The following DCDC2 variants were observed in gnomAD, a reference collection of about 807,000 sequenced individuals.
The protein encoded by DCDC2 is doublecortin domain containing 2, also known as doublecortin domain-containing protein 2.
In DCDC2, 40 loss-of-function variants were observed where a neutral mutation model predicts 50.2. The ratio of observed to expected loss-of-function variants is 0.80; its 90% confidence interval spans 0.62 to 1.04. The LOEUF is 1.04. Ranked by LOEUF, DCDC2 falls within the 50% of genes least tolerant of loss-of-function variation. The pLI, the probability that DCDC2 is intolerant of heterozygous loss-of-function variation, is 0.00. For missense variants in DCDC2, 570 were observed against 581.9 expected, an observed-to-expected ratio of 0.98 and a Z score of 0.21; for synonymous variants, 234 against 210.6, an observed-to-expected ratio of 1.11 and a Z score of -0.96.
intron 7 of DCDC2, among the ~76,000 whole-genome samples, chr6:24,248,519 G>T (rs1031852391): frequency 6.6e-6 from 1 of 152,188 alleles, no homozygotes; most frequent in South Asian, 2.1e-4. Flanking sequence ...GGTAGTATTA[G>T]TATTAGTATC....
At chr6:24,221,242 G>A (rs571784294) in intron 7 of DCDC2, among the ~76,000 whole-genome samples, 48 of 152,016 alleles carry the variant, frequency 3.2e-4, no homozygotes, top group African/African-American at 1.0e-3. Context: ...TTCTAAGACC[G>A]TCAGAATTTG....
chr6:24,368,688 A>AC, the DCDC2 span, among the ~76,000 whole-genome samples: 1 of 192 alleles, frequency 5.2e-3, no homozygotes, highest in Non-Finnish European at 0.12. Flanking sequence ...GCTCAGACAG[A>AC]AAAAAAAAAA....
intron 6 of DCDC2, among the ~76,000 whole-genome samples, chr6:24,278,849 A>G (rs1238582570): frequency 6.6e-6 from 1 of 152,198 alleles, no homozygotes; most frequent in Non-Finnish European, 1.5e-5. Context: ...AATATTAACG[A>G]GTCTGTTGGT....
the DCDC2 span, among the ~76,000 whole-genome samples, chr6:24,381,959 A>AAGGAAG: frequency 3.5e-3 from 362 of 103,698 alleles, 2 homozygotes; most frequent in African/African-American, 6.9e-3. Flanking sequence ...AAGGAAAGAA[A>AAGGAAG]GAAGGAAGGA....
chr6:24,224,370 CTA>C (rs1395104784), intron 7 of DCDC2, among the ~76,000 whole-genome samples: 1 of 152,208 alleles, frequency 6.6e-6, no homozygotes, highest in Non-Finnish European at 1.5e-5. Flanking sequence ...ACTGGGCACA[CTA>C]TGTGTTCTCA....
At chr6:24,267,506 A>C (rs1213334994) in intron 7 of DCDC2, among the ~76,000 whole-genome samples, 2 of 152,240 alleles carry the variant, frequency 1.3e-5, no homozygotes, top group African/African-American at 4.8e-5. Flanking sequence ...AGTTAAATGT[A>C]AAAGTATGAA....
At chr6:24,208,918 A>G (rs1761789399) in intron 7 of DCDC2, among the ~76,000 whole-genome samples, 1 of 152,248 alleles carries the variant, frequency 6.6e-6, no homozygotes, top group South Asian at 2.1e-4. Flanking sequence ...TGCAAGTATT[A>G]TTTGTAATAC....
intron 7 of DCDC2, among the ~76,000 whole-genome samples, chr6:24,246,117 C>T (rs529127967): frequency 4.6e-5 from 7 of 152,136 alleles, no homozygotes; most frequent in African/African-American, 9.6e-5. Context: ...TAAGCCACCG[C>T]GCCCGGCCTG....
chr6:24,229,571 GA>G (rs1186504484), intron 7 of DCDC2, among the ~76,000 whole-genome samples: 6 of 151,514 alleles, frequency 4.0e-5, no homozygotes, highest in Admixed American at 3.3e-4. Flanking sequence ...AATCTTTCAG[GA>G]AAAAAAATGC....
At chr6:24,236,828 G>A (rs764096793) in intron 7 of DCDC2, among the ~76,000 whole-genome samples, 3 of 152,036 alleles carry the variant, frequency 2.0e-5, no homozygotes, top group Non-Finnish European at 1.5e-5. Flanking sequence ...TGCCCAATAT[G>A]GTAAAACCCC....
intron 7 of DCDC2, among the ~76,000 whole-genome samples, chr6:24,275,035 G>T (rs1477793204): frequency 6.8e-6 from 1 of 147,492 alleles, no homozygotes; most frequent in Non-Finnish European, 1.5e-5. Flanking sequence ...CCAAATTTTT[G>T]CATTTTTTTA....
chr6:24,319,334 A>T (rs547510912), intron 2 of DCDC2, among the ~76,000 whole-genome samples: 1 of 150,918 alleles, frequency 6.6e-6, no homozygotes, highest in Admixed American at 6.6e-5. Context: ...GTAAATTTGG[A>T]TATCAGTCCC....
chr6:24,199,348 G>A (rs565396932), intron 8 of DCDC2, among the ~76,000 whole-genome samples: 1 of 152,340 alleles, frequency 6.6e-6, no homozygotes, highest in South Asian at 2.1e-4. Context: ...TGCAGCCTCT[G>A]CTGGTGATAC....
chr6:24,290,517 A>AAT (rs1378186071), intron 5 of DCDC2, among the ~76,000 whole-genome samples: 1 of 152,170 alleles, frequency 6.6e-6, no homozygotes, highest in Non-Finnish European at 1.5e-5. Flanking sequence ...ACAAGTATAA[A>AAT]ATATTATGAG....
chr6:24,268,890 A>G lies in DCDC2; in HGVS notation c.922+9159T>C, dbSNP rs1041270541. On this transcript the variant is annotated intron_variant, in intron 7 of 9. Transcript: ENST00000378454. ...CCAGGCCACTTTATTATGTAATTTT[A>G]AAGGAAATAAAATCTTGCCCAGTTT... 2.0e-5 allele frequency among the ~76,000 whole-genome samples: 3 copies of G among 152,296 alleles called. No homozygotes were observed. In the South Asian group the frequency reaches 6.2e-4, roughly 32 times the overall value.
chr6:24,240,053 G>A (rs1431185236), intron 7 of DCDC2, among the ~76,000 whole-genome samples: 1 of 152,176 alleles, frequency 6.6e-6, no homozygotes, highest in Non-Finnish European at 1.5e-5. Context: ...CAACAAGGAG[G>A]CAGGCAATGT....
intron 7 of DCDC2, among the ~76,000 whole-genome samples, chr6:24,257,931 C>G (rs951706269): frequency 1.3e-5 from 2 of 151,918 alleles, no homozygotes; most frequent in Non-Finnish European, 2.9e-5. Flanking sequence ...TGAAAATTAG[C>G]TCTGATTGAG....
chr6:24,258,275 C>A (rs1321211636), intron 7 of DCDC2, among the ~76,000 whole-genome samples: 2 of 152,038 alleles, frequency 1.3e-5, no homozygotes, highest in Non-Finnish European at 2.9e-5. Context: ...TGGCTGGGGG[C>A]GGGGGGTGGC....
intron 7 of DCDC2, among the ~76,000 whole-genome samples, chr6:24,211,031 A>T (rs1761856674): frequency 1.3e-5 from 2 of 152,222 alleles, no homozygotes; most frequent in Admixed American, 6.5e-5. Context: ...TTCCAATTCC[A>T]GTAGCCACTC....
Sources: gnomAD v4.1 joint callset for allele counts (sites outside exome capture counted in the v4.1 genomes callset) on GRCh38, gnomAD v4.1.1 for gene constraint, MANE v1.5 for transcripts, NCBI Gene and HGNC (gene_info 2026-07-23, HGNC 2026-07-21) for gene names.